KCNH1: variants seen among roughly 807,000 people sequenced by gnomAD.
KCNH1 encodes potassium voltage-gated channel subfamily H member 1.
A neutral mutation model predicts 69.2 loss-of-function variants in KCNH1; 27 were observed. The ratio of observed to expected loss-of-function variants is 0.39; its 90% CI spans 0.29 to 0.54. The LOEUF is 0.54. Among genes scored for constraint, KCNH1 ranks in the 20% least tolerant of loss-of-function variants. KCNH1 has a pLI of 0.68. For synonymous variants in KCNH1, 456 were observed against 487.7 expected (o/e 0.93, Z 0.86); for missense variants, 798 against 1,261.6 (o/e 0.63, Z 5.57).
At chr1:210,849,228 A>C (rs1241765627) in intron 7 of KCNH1, among the ~76,000 whole-genome samples, 1 of 152,136 alleles carries the variant, frequency 6.6e-6, no homozygotes, top group African/African-American at 2.4e-5. Flanking sequence ...AAACAACAGA[A>C]TTCCCTCTAA....
chr1:210,982,847 T>C (rs1037111898), intron 6 of KCNH1, among the ~76,000 whole-genome samples: 5 of 152,244 alleles, frequency 3.3e-5, no homozygotes, highest in Admixed American at 2.0e-4. Flanking sequence ...ATCACCACAC[T>C]GACTTCCACA....
chr1:211,032,072 A>T (rs1036484256), intron 5 of KCNH1, among the ~76,000 whole-genome samples: 10 of 152,258 alleles, frequency 6.6e-5, no homozygotes, highest in Non-Finnish European at 1.2e-4. Context: ...GTCTCAGGAT[A>T]CAAAATCAAT....
At chr1:210,763,652 C>A (rs1683564717) in intron 10 of KCNH1, among the ~76,000 whole-genome samples, 1 of 152,060 alleles carries the variant, frequency 6.6e-6, no homozygotes, top group Non-Finnish European at 1.5e-5. Context: ...AGGAATACAT[C>A]TAACCAAGCA....
chr1:211,119,228 C>T (rs138941193), intron 1 of KCNH1, among the ~76,000 whole-genome samples: 1,831 of 152,106 alleles, frequency 0.012, 38 homozygotes, highest in African/African-American at 0.042. Context: ...GGCATGGTGG[C>T]GGGCATCTGT....
At chr1:210,993,430 A>G (rs1427390394) in intron 6 of KCNH1, among the ~76,000 whole-genome samples, 1 of 152,214 alleles carries the variant, frequency 6.6e-6, no homozygotes, top group Non-Finnish European at 1.5e-5. Flanking sequence ...TAAAAAGGTA[A>G]CAGTACACAA....
chr1:210,790,139 C>T (rs1454010888), intron 9 of KCNH1, among the ~76,000 whole-genome samples: 2 of 152,188 alleles, frequency 1.3e-5, no homozygotes, highest in South Asian at 2.1e-4. Flanking sequence ...GAAAACTATT[C>T]CTATGTTCTA....
chr1:210,860,553 A>G (rs1685955501), intron 7 of KCNH1: 1 of 859,364 alleles, frequency 1.2e-6, no homozygotes, highest in Admixed American at 1.7e-5. Context: ...TTTCTACTGC[A>G]ATAGGAGTAA....
At chr1:210,951,525 T>C (rs74529522) in intron 6 of KCNH1, among the ~76,000 whole-genome samples, 12,059 of 152,224 alleles carry the variant, frequency 0.079, 676 homozygotes, top group South Asian at 0.18. Context: ...GTTTGTCGGT[T>C]TGAGTTTACA....
intron 9 of KCNH1, among the ~76,000 whole-genome samples, chr1:210,793,456 T>C (rs945909353): frequency 5.9e-5 from 9 of 152,270 alleles, no homozygotes; most frequent in African/African-American, 1.7e-4. Flanking sequence ...CAATGTAATA[T>C]ACATTTCATA....
intron 7 of KCNH1, among the ~76,000 whole-genome samples, chr1:210,850,339 GA>G (rs892912242): frequency 1.3e-3 from 193 of 148,414 alleles, no homozygotes; most frequent in Non-Finnish European, 2.1e-3. Context: ...CTCTACTGAA[GA>G]AAAAAAAAAT....
At chr1:211,001,458 A>T (rs530287492) in intron 6 of KCNH1, among the ~76,000 whole-genome samples, 194 of 152,322 alleles carry the variant, frequency 1.3e-3, no homozygotes, top group African/African-American at 4.3e-3. Context: ...TCAAAACCAC[A>T]ATGAGATACC....
In KCNH1 at chr1:211,075,906, C is replaced by A. The variant is rs577365770; in HGVS notation, c.558+6874G>T. Among the ~76,000 whole-genome samples the A allele has an allele frequency of 2.6e-5, 4 of 152,336 alleles. No homozygotes were observed. The South Asian group carries it at 8.3e-4, about 32-fold the overall frequency. On this transcript the variant is annotated intron_variant, in intron 5 of 10. Transcript: ENST00000271751. ...TACTGTGCTTTTCCAATGGTATTAG[C>A]AAATAGCACACCAGGAGATTATATC...
intron 9 of KCNH1, among the ~76,000 whole-genome samples, chr1:210,781,230 G>C (rs1475020553): frequency 6.6e-6 from 1 of 152,146 alleles, no homozygotes; most frequent in African/African-American, 2.4e-5. Context: ...TCTGTACACT[G>C]AGAGTGAGAA....
intron 6 of KCNH1, among the ~76,000 whole-genome samples, chr1:210,997,175 T>C (rs1288284937): frequency 1.3e-5 from 2 of 152,256 alleles, no homozygotes; most frequent in Non-Finnish European, 2.9e-5. Context: ...TGACTTTGAT[T>C]AGCTGACAGA....
intron 6 of KCNH1, among the ~76,000 whole-genome samples, chr1:211,001,582 C>T (rs2102400756): frequency 6.6e-6 from 1 of 152,268 alleles, no homozygotes. Context: ...TAAACTAGTT[C>T]AACCATTGTG....
chr1:211,107,935 T>G (rs976800030), intron 1 of KCNH1, among the ~76,000 whole-genome samples: 1 of 152,162 alleles, frequency 6.6e-6, no homozygotes, highest in Non-Finnish European at 1.5e-5. Context: ...TGGTGAGGAA[T>G]AGTAACTAGA....
rs553100513 is a variant in KCNH1 at position 210,992,347 on chromosome 1, A to C, written c.1032+26436T>G. Among the ~76,000 whole-genome samples, 6 of 152,332 alleles carry C rather than the reference A, an allele frequency of 3.9e-5. No individual in the cohort carries two copies. The East Asian group carries it at 7.7e-4, about 20-fold the overall frequency. On this transcript the variant is annotated intron_variant, in intron 6 of 10. Coordinates refer to ENST00000271751, the MANE Select transcript of KCNH1 (RefSeq NM_172362.3). Reference sequence around the variant, plus strand: ...TGACCACCTGATGATTCTATCTGCCAATCTCTGGTTATATCTTTCTTGCAG... The same window carrying C: ...TGACCACCTGATGATTCTATCTGCCCATCTCTGGTTATATCTTTCTTGCAG...
chr1:211,005,810 G>T (rs1689270528), intron 6 of KCNH1, among the ~76,000 whole-genome samples: 1 of 151,994 alleles, frequency 6.6e-6, no homozygotes, highest in Admixed American at 6.6e-5. Flanking sequence ...AAAACACACA[G>T]TAGGGAAAAA....
chr1:211,092,866 A>G (rs149990479), intron 3 of KCNH1, among the ~76,000 whole-genome samples: 85 of 152,006 alleles, frequency 5.6e-4, no homozygotes, highest in African/African-American at 1.9e-3. Flanking sequence ...GCATTTTTTC[A>G]GATGATAAAC....
Sources: gnomAD v4.1 joint callset for allele counts (sites outside exome capture counted in the v4.1 genomes callset) on GRCh38, gnomAD v4.1.1 for gene constraint, MANE v1.5 for transcripts, NCBI Gene and HGNC (gene_info 2026-07-23, HGNC 2026-07-21) for gene names.